Variants in FBXO47 observed in about 807,000 individuals in gnomAD.
The protein encoded by FBXO47 is F-box protein 47.
Under a neutral mutation model 53.9 loss-of-function variants are expected in FBXO47, and 34 were observed. That is an observed-to-expected ratio of 0.63 (90% CI 0.48 to 0.84). The LOEUF is 0.84. Ranked by LOEUF, FBXO47 falls within the 40% of genes least tolerant of loss-of-function variation. The pLI is 0.00. For missense variants in FBXO47, 485 were observed against 541.3 expected, an observed-to-expected ratio of 0.90 and a Z score of 1.03; for synonymous variants, 165 against 181.6, an observed-to-expected ratio of 0.91 and a Z score of 0.73.
At chr17:38,946,202 A>G (rs1374335815) in intron 6 of FBXO47, among the ~76,000 whole-genome samples, 1 of 115,716 alleles carries the variant, frequency 8.6e-6, no homozygotes, top group African/African-American at 3.5e-5. Flanking sequence ...AAAAATATAT[A>G]TAAATATATA....
intron 3 of FBXO47, 57 bp downstream of exon 3, chr17:38,961,820 G>A (rs1461478383): frequency 1.4e-6 from 2 of 1,464,074 alleles, no homozygotes; most frequent in African/African-American, 2.8e-5. Flanking sequence ...TGTATACTAA[G>A]TTTCTCTTAA....
intron 10 of FBXO47, among the ~76,000 whole-genome samples, chr17:38,937,677 T>C (rs1431949127): frequency 6.6e-6 from 1 of 152,072 alleles, no homozygotes; most frequent in Admixed American, 6.6e-5. Flanking sequence ...TTATTTATTA[T>C]TATTTTTTGA....
chr17:38,951,785 C>G (rs1255914572), intron 5 of FBXO47, 96 bp from the exon 6 acceptor site: 10 of 820,220 alleles, frequency 1.2e-5, no homozygotes, highest in African/African-American at 1.7e-5. Flanking sequence ...AATCCCAACA[C>G]TTTGGGAGGC....
Position 38,951,572 on chromosome 17 carries a change from G to GT in FBXO47, c.616+8dup, listed in dbSNP as rs760784585. The GT allele has an allele frequency of 1.3e-6, 2 of 1,585,092 alleles. No homozygotes were observed. Among genetic ancestry groups the GT allele is most frequent in the Non-Finnish European group, 8.6e-7 (1 of 1,157,836 alleles). On this transcript the variant is annotated intron_variant, in intron 6 of 10. Coordinates refer to ENST00000378079, the MANE Select transcript of FBXO47 (RefSeq NM_001008777.3). ...CTCTGTATATTATATGCAAATTATAGTTTTTTACCTGGTTTGCTGCAGACA... is the reference window on the plus strand; with the variant it reads ...CTCTGTATATTATATGCAAATTATAGTTTTTTTACCTGGTTTGCTGCAGACA...
chr17:38,941,476 T>G (rs985702961), intron 9 of FBXO47, among the ~76,000 whole-genome samples: 9 of 149,632 alleles, frequency 6.0e-5, no homozygotes, highest in Admixed American at 4.7e-4. Context: ...GGCCAATTTT[T>G]AAACATTTTT....
At chr17:38,963,968 A>G (rs1598151058) in intron 1 of FBXO47, among the ~76,000 whole-genome samples, 2 of 136,490 alleles carry the variant, frequency 1.5e-5, no homozygotes, top group South Asian at 2.2e-4. Flanking sequence ...CAGCTAAAGT[A>G]AAAAAAAAAA....
At chr17:38,947,120 A>AAC (rs1228913330) in intron 6 of FBXO47, among the ~76,000 whole-genome samples, 67 of 141,454 alleles carry the variant, frequency 4.7e-4, no homozygotes, top group African/African-American at 1.6e-3. Context: ...ATATATATAA[A>AAC]CATATATATA....
intron 3 of FBXO47, among the ~76,000 whole-genome samples, chr17:38,957,946 G>C (rs1249947863): frequency 6.6e-6 from 1 of 152,040 alleles, no homozygotes; most frequent in Non-Finnish European, 1.5e-5. Context: ...TGATTCTCCT[G>C]CCTCAGCCTC....
At chr17:38,946,586 A>C (rs1405622002) in intron 6 of FBXO47, among the ~76,000 whole-genome samples, 1 of 81,432 alleles carries the variant, frequency 1.2e-5, no homozygotes, top group East Asian at 3.9e-4. Flanking sequence ...ATGAATATAT[A>C]ACTATATAAA....
In FBXO47 at chr17:38,945,052, G is replaced by T. The variant is rs1463852698; in HGVS notation, c.701C>A (p.Ala234Asp). The part of the protein sequence containing the change: ...LDHWTHRSDS[A>D]FWLTRILKPW... ...TTTTAATATTCGCGTCAACCAAAAAGCAGAATCACTTCGATGTGTCCAATG... is the reference window on the plus strand; with the variant it reads ...TTTTAATATTCGCGTCAACCAAAAATCAGAATCACTTCGATGTGTCCAATG... The change falls in exon 7 of 11, where the codon GCT becomes GAT. Residue 234 changes from alanine (A) to aspartate (D), a missense_variant. Coordinates refer to ENST00000378079, the MANE Select transcript of FBXO47 (RefSeq NM_001008777.3). The T allele has an allele frequency of 6.2e-7, 1 of 1,613,932 alleles. No homozygotes were observed.
At chr17:38,964,147 T>C (rs1835623970) in intron 1 of FBXO47, among the ~76,000 whole-genome samples, 1 of 152,064 alleles carries the variant, frequency 6.6e-6, no homozygotes, top group Non-Finnish European at 1.5e-5. Flanking sequence ...AATTCTTCCC[T>C]CAATTCCACC....
At chr17:38,961,762 A>T in intron 3 of FBXO47, 115 bp downstream of exon 3, 1 of 859,500 alleles carries the variant, frequency 1.2e-6, no homozygotes, top group East Asian at 2.6e-5. Flanking sequence ...CATCATAGAA[A>T]CAGGCATATT....
In FBXO47 at chr17:38,951,658, C is replaced by T. The variant is rs1905295102; in HGVS notation, c.539G>A (p.Cys180Tyr). 1 of 1,613,852 alleles carries T rather than the reference C, an allele frequency of 6.2e-7. No individual in the cohort carries two copies. Among genetic ancestry groups the T allele is most frequent in the Non-Finnish European group, 8.5e-7 (1 of 1,179,852 alleles). ...GCATAAGAAATTATAAACGCGATGG[C>T]ACTCAAGTTCATCCCAACCTGCTGT... ...TLTAGWDELE[C>Y]HRVYNFLCEL... Residue 180 changes from cysteine (C) to tyrosine (Y), a missense_variant, in exon 6 of 11, where the codon TGC (cysteine) becomes TAC (tyrosine). By Grantham distance (194) the Cys-to-Tyr change is radical (BLOSUM62 -2). Transcript: ENST00000378079.
intron 1 of FBXO47, among the ~76,000 whole-genome samples, chr17:38,963,802 G>GTTTTTTTTTTTT (rs377210713): frequency 1.6e-5 from 2 of 128,638 alleles, no homozygotes; most frequent in Non-Finnish European, 3.2e-5. Flanking sequence ...TTGTTTTGTT[G>GTTTTTTTTTTTT]TTTTTTTTTT....
rs1433189413 is a variant in FBXO47, at chr17:38,946,638, A to G, written c.617-1502T>C. Among the ~76,000 whole-genome samples, 91 of 64,592 alleles carry G rather than the reference A, an allele frequency of 1.4e-3. 1 individual carries two copies. Among genetic ancestry groups the G allele is most frequent in the African/African-American group, 6.7e-3 (83 of 12,428 alleles). The allele number at this position is 64,592 out of a possible 152,430, so 42.4% of individuals were successfully genotyped here. A position where few individuals can be genotyped will look rare whatever the true frequency, so the allele number is the denominator to read the frequency against. ...ACTATATAAATATATATGAATATAT[A>G]AATATATATAAATATATATGAATAT... On this transcript the variant is annotated intron_variant, in intron 6 of 10. Coordinates refer to ENST00000378079, the MANE Select transcript of FBXO47 (RefSeq NM_001008777.3).
intron 1 of FBXO47, among the ~76,000 whole-genome samples, chr17:38,963,397 G>A (rs190167917): frequency 9.9e-5 from 15 of 152,194 alleles, no homozygotes; most frequent in South Asian, 2.1e-4. Context: ...GGAAGGTCTC[G>A]AACTCCTGAC....
chr17:38,963,053 TG>T lies in FBXO47; in HGVS notation c.-26-3del, dbSNP rs1905899400. ...TTCTTCTTGTCTCACAAATTTATCC[TG>T]GTCAGAAAAACAAAGTACAAGAGAC... On this transcript the variant is annotated splice_polypyrimidine_tract_variant and splice_region_variant and intron_variant, in intron 1 of 10. Coordinates refer to ENST00000378079, the MANE Select transcript of FBXO47 (RefSeq NM_001008777.3). The T allele has an allele frequency of 6.4e-7, 1 of 1,560,268 alleles. No individual in the cohort carries two copies. The highest frequency in any genetic ancestry group is 8.8e-7 in the Non-Finnish European group (1 of 1,139,656).
At chr17:38,946,538 AT>A (rs1380093705) in intron 6 of FBXO47, among the ~76,000 whole-genome samples, 2 of 87,376 alleles carry the variant, frequency 2.3e-5, no homozygotes, top group African/African-American at 1.1e-4. Context: ...ATATAACTAT[AT>A]AAATATATAT....
intron 3 of FBXO47, among the ~76,000 whole-genome samples, chr17:38,960,343 TTACTTAAAGA>T (rs1247726038): frequency 6.6e-6 from 1 of 151,998 alleles, no homozygotes; most frequent in Non-Finnish European, 1.5e-5. Context: ...TATCAAACAT[TTACTTAAAGA>T]ATTAGTCATA....
Sources: gnomAD v4.1 joint callset for allele counts (sites outside exome capture counted in the v4.1 genomes callset) on GRCh38, gnomAD v4.1.1 for gene constraint, MANE v1.5 for transcripts, NCBI Gene and HGNC (gene_info 2026-07-23, HGNC 2026-07-21) for gene names.